Variants in SETD5 observed in about 807,000 individuals in gnomAD.
SETD5 encodes SET domain containing 5.
In SETD5, 44 loss-of-function variants were observed where a neutral mutation model predicts 153.3. The observed-to-expected ratio is 0.29, with a 90% CI of 0.23 to 0.37. The LOEUF (loss-of-function observed/expected upper bound fraction) is 0.37, where lower values mean the gene tolerates loss of function less well. Among genes scored for constraint, SETD5 ranks in the 10% least tolerant of loss-of-function variants. SETD5 has a pLI of 1.00. For synonymous variants in SETD5, 716 were observed against 645.2 expected (o/e 1.11, Z -1.66); for missense variants, 1,544 against 1,768.0 (o/e 0.87, Z 2.27).
intron 1 of SETD5, among the ~76,000 whole-genome samples, chr3:9,413,676 G>A (rs2036960869): frequency 6.6e-6 from 1 of 151,638 alleles, no homozygotes. Context: ...GTGTGTGTGT[G>A]TGTGTGTGTA....
chr3:9,430,774 G>C (rs926778089), intron 3 of SETD5: 2 of 959,208 alleles, frequency 2.1e-6, no homozygotes, highest in African/African-American at 1.8e-5. Context: ...ATGACTGCCC[G>C]TAAATACTGC....
chr3:9,464,574 C>G lies in SETD5; in HGVS notation c.2626C>G (p.Pro876Ala). The G allele has an allele frequency of 6.2e-7, 1 of 1,613,964 alleles. No homozygotes were observed. Among genetic ancestry groups the G allele is most frequent in the Non-Finnish European group, 8.5e-7 (1 of 1,179,892 alleles). ...PQLATPGSSH[P>A]GEEECRNGYS... ...GCTGGCCACACCTGGCTCATCTCAC[C>G]CAGGAGAAGAGGAGTGTCGAAATGG... The change falls in exon 18 of 23, where the codon CCA (proline) becomes GCA (alanine). Residue 876 changes from proline (P) to alanine (A), a missense_variant. Physicochemically the swap from Pro to Ala is conservative, Grantham distance 27. Around this residue, in one of 9 missense-constraint regions of SETD5, gnomAD observed 782 missense variants for 787.2 expected, o/e 0.99. Transcript: ENST00000402198.
At chr3:9,472,726 A>G (rs2045445173) in intron 19 of SETD5, among the ~76,000 whole-genome samples, 1 of 148,714 alleles carries the variant, frequency 6.7e-6, no homozygotes, top group Non-Finnish European at 1.5e-5. Flanking sequence ...ACCTCTCCCC[A>G]CCTCCCTCTC....
Position 9,397,997 on chromosome 3 carries a change from G to C in SETD5, c.-177+20G>C, listed in dbSNP as rs1575110599. On this transcript the variant is annotated intron_variant, in intron 1 of 22. Coordinates refer to ENST00000402198, the MANE Select transcript of SETD5 (RefSeq NM_001080517.3). Reference sequence around the variant, plus strand: ...GACAAGGTAAGGGTCCGACAGAAAAGAGACCGAACCTCACGATCGGGCCCC... The same window carrying C: ...GACAAGGTAAGGGTCCGACAGAAAACAGACCGAACCTCACGATCGGGCCCC... 1 of 152,260 alleles carries C rather than the reference G, an allele frequency of 6.6e-6. No individual in the cohort carries two copies. The highest frequency in any genetic ancestry group is 2.4e-5 in the African/African-American group (1 of 41,504). The allele number at this position is 152,260 out of a possible 1,614,324, so 9.4% of individuals were successfully genotyped here.
intron 1 of SETD5, among the ~76,000 whole-genome samples, chr3:9,401,349 G>A (rs565721462): frequency 6.6e-6 from 1 of 152,084 alleles, no homozygotes. Flanking sequence ...TAAAATAATT[G>A]CTTTTACACT....
At chr3:9,411,961 A>T (rs1575206261) in intron 1 of SETD5, among the ~76,000 whole-genome samples, 1 of 152,098 alleles carries the variant, frequency 6.6e-6, no homozygotes, top group East Asian at 1.9e-4. Context: ...TTTAATAAAG[A>T]AAGTTTTAAG....
At chr3:9,399,166 T>C (rs2034305980) in intron 1 of SETD5, among the ~76,000 whole-genome samples, 1 of 152,244 alleles carries the variant, frequency 6.6e-6, no homozygotes, top group African/African-American at 2.4e-5. Flanking sequence ...ACCAAGGTCA[T>C]ATTTACATTT....
chr3:9,428,797 C>G, intron 2 of SETD5, 26 bp from the exon 3 acceptor site: 4 of 478,980 alleles, frequency 8.4e-6, no homozygotes, highest in Non-Finnish European at 1.5e-5. Flanking sequence ...ATTTATTTTA[C>G]TAGATATTTT....
intron 1 of SETD5, among the ~76,000 whole-genome samples, chr3:9,412,554 T>A (rs1316015662): frequency 6.6e-6 from 1 of 151,972 alleles, no homozygotes; most frequent in Non-Finnish European, 1.5e-5. Context: ...AGGTATGTGC[T>A]ACCACACCCA....
intron 20 of SETD5, 125 bp downstream of exon 20, chr3:9,473,662 A>G (rs2045568463): frequency 1.0e-6 from 1 of 960,012 alleles, no homozygotes; most frequent in African/African-American, 1.6e-5. Context: ...ACAGCCAGCC[A>G]ACAGTACCAT....
chr3:9,476,054 A>G lies in SETD5; in HGVS notation c.4292A>G (p.Gln1431Arg). The G allele has an allele frequency of 6.2e-7, 1 of 1,613,914 alleles. No individual in the cohort carries two copies. Among genetic ancestry groups the G allele is most frequent in the Non-Finnish European group, 8.5e-7 (1 of 1,179,856 alleles). ...CACCAGTACCGACTCCAGCCACTGC[A>G]AGGGTCAGGAGTCAAGACTCAGACG... Reference protein sequence around the residue: ...GVHQYRLQPLQGSGVKTQTGL... With the variant: ...GVHQYRLQPLRGSGVKTQTGL... The change falls in exon 23 of 23, where the codon CAA becomes CGA. Residue 1431 changes from glutamine to arginine, a missense_variant. Transcript: ENST00000402198.
At chr3:9,452,509 G>C (rs1435742175) in intron 16 of SETD5, among the ~76,000 whole-genome samples, 1 of 152,034 alleles carries the variant, frequency 6.6e-6, no homozygotes, top group East Asian at 1.9e-4. Context: ...TCAGAGACCT[G>C]GTTGTATCCT....
In SETD5 at chr3:9,448,403, T is replaced by A; in HGVS notation, c.2119T>A (p.Trp707Arg). Reference sequence around the variant, plus strand: ...TTTACCTTAGTATCTAGTTACAGAATGGTTGAATGACAAAGCAGAGAAGCA... The same window carrying A: ...TTTACCTTAGTATCTAGTTACAGAAAGGTTGAATGACAAAGCAGAGAAGCA... ...PKTKKYLVTE[W>R]LNDKAEKQEC... The change falls in exon 16 of 23, where the codon TGG becomes AGG. Residue 707 changes from tryptophan to arginine, a missense_variant. This residue lies in a region of SETD5 where 782 missense variants were observed against 787.2 expected (regional missense o/e 0.99). Coordinates refer to ENST00000402198, the MANE Select transcript of SETD5 (RefSeq NM_001080517.3). The A allele has an allele frequency of 6.2e-7, 1 of 1,613,928 alleles. No homozygotes were observed. The highest frequency in any genetic ancestry group is 2.2e-5 in the East Asian group (1 of 44,886).
chr3:9,453,930 T>A, intron 17 of SETD5, 62 bp downstream of exon 17: 1 of 1,445,618 alleles, frequency 6.9e-7, no homozygotes. Context: ...GCATAAAAAA[T>A]TTAAGTATGA....
Position 9,475,976 on chromosome 3 carries a change from T to A in SETD5, c.4214T>A (p.Val1405Glu), listed in dbSNP as rs1575635437. The change falls in exon 23 of 23, where the codon GTA becomes GAA. Residue 1405 changes from valine (V) to glutamate (E), a missense_variant. Val to Glu is a moderately radical substitution (Grantham distance 121). Transcript: ENST00000402198. ...TCAGCTGTCTACCAGGCCTCCAGGG[T>A]ATCTGCGGTTTCCAATTCACAGCAC... The part of the protein sequence containing the change: ...GQSAVYQASR[V>E]SAVSNSQHYP... 36 of 1,613,932 alleles carry A rather than the reference T, an allele frequency of 2.2e-5. No individual in the cohort carries two copies. In the East Asian group the frequency reaches 8.0e-4, roughly 36 times the overall value.
At chr3:9,473,146 C>A in intron 19 of SETD5, 90 bp from the exon 20 acceptor site, 2 of 1,435,288 alleles carry the variant, frequency 1.4e-6, no homozygotes, top group Non-Finnish European at 9.3e-7. Flanking sequence ...TACTAAGGTA[C>A]CATCTTTCCT....
intron 11 of SETD5, among the ~76,000 whole-genome samples, chr3:9,444,153 C>G (rs768159079): frequency 1.3e-5 from 2 of 152,142 alleles, no homozygotes; most frequent in Non-Finnish European, 2.9e-5. Context: ...AAAGATCCAC[C>G]CTGTCCACAG....
intron 16 of SETD5, among the ~76,000 whole-genome samples, chr3:9,453,155 T>C (rs2042826081): frequency 6.6e-6 from 1 of 152,198 alleles, no homozygotes; most frequent in African/African-American, 2.4e-5. Flanking sequence ...GCATTACTCA[T>C]GCATAATTTA....
In SETD5 at chr3:9,445,962, G is replaced by GTTTTTTTTTTTTTTTTTT. The variant is rs1432231015; in HGVS notation, c.1524+224_1524+225insTTTTTTTTTTTTTTTTTT. ...TATTATCTAGTGATGGTTTGAAGAG[G>GTTTTTTTTTTTTTTTTTT]TTGTTTTTTTTTTTTTTTTTTTTTT... On this transcript the variant is annotated intron_variant, in intron 13 of 22. Transcript: ENST00000402198. Among the ~76,000 whole-genome samples the GTTTTTTTTTTTTTTTTTT allele has an allele frequency of 2.6e-3, 314 of 120,198 alleles. 20 individuals carry two copies. The highest frequency in any genetic ancestry group is 5.7e-3 in the East Asian group (25 of 4,368). The allele number at this position is 120,198 out of a possible 152,430, so 78.9% of individuals were successfully genotyped here.
Sources: allele counts gnomAD v4.1 joint callset (sites outside exome capture counted in the v4.1 genomes callset), GRCh38; gene constraint gnomAD v4.1.1; regional missense constraint gnomAD v4.1.1; transcripts MANE v1.5; gene names NCBI Gene and HGNC (gene_info 2026-07-23, HGNC 2026-07-21).